KIAA1328: variants seen among roughly 807,000 people sequenced by gnomAD.
The protein encoded by KIAA1328 is protein hinderin.
Under a neutral mutation model 68.1 loss-of-function variants are expected in KIAA1328, and 52 were observed. The ratio of observed to expected loss-of-function variants is 0.76; its 90% confidence interval spans 0.61 to 0.96. The LOEUF is 0.96. Among genes scored for constraint, KIAA1328 ranks in the 40% least tolerant of loss-of-function variants. The pLI is 0.00. For missense variants in KIAA1328, 641 were observed against 677.6 expected (o/e 0.95, Z 0.60); for synonymous variants, 232 against 239.4 (o/e 0.97, Z 0.28).
chr18:37,068,605 C>T (rs561965673), intron 7 of KIAA1328, among the ~76,000 whole-genome samples: 150 of 152,238 alleles, frequency 9.9e-4, no homozygotes, highest in African/African-American at 3.5e-3. Flanking sequence ...TGTGTGTGCA[C>T]GTTTGCCCTC....
At chr18:36,918,031 T>A (rs1199166068) in intron 5 of KIAA1328, among the ~76,000 whole-genome samples, 1 of 152,122 alleles carries the variant, frequency 6.6e-6, no homozygotes, top group South Asian at 2.1e-4. Context: ...AGTTGTTTTC[T>A]ATGGGAGGAT....
At chr18:36,857,436 G>A (rs2047422045) in intron 4 of KIAA1328, among the ~76,000 whole-genome samples, 1 of 152,108 alleles carries the variant, frequency 6.6e-6, no homozygotes, top group South Asian at 2.1e-4. Context: ...AGTCTATCAG[G>A]TCAAAATAAA....
In KIAA1328 at chr18:37,029,846, C is replaced by T. The variant is rs139844257; in HGVS notation, c.577-37044C>T. ...CACCACTGAAGCCATCAGGAATGGA[C>T]TTTTTTGTGAGAATATTTTTAATTA... On this transcript the variant is annotated intron_variant, in intron 6 of 9. Transcript: ENST00000280020. Among the ~76,000 whole-genome samples the T allele has an allele frequency of 6.8e-3, 1,031 of 152,118 alleles. 16 individuals are homozygous for T. The highest frequency in any genetic ancestry group is 0.023 in the African/African-American group (956 of 41,512).
chr18:36,996,237 G>A (rs760256924), intron 6 of KIAA1328, among the ~76,000 whole-genome samples: 14 of 152,048 alleles, frequency 9.2e-5, no homozygotes, highest in Non-Finnish European at 1.8e-4. Context: ...ACACTTATAT[G>A]CACTTATTCT....
chr18:37,172,668 C>T (rs1443307107), intron 8 of KIAA1328, among the ~76,000 whole-genome samples: 1 of 152,164 alleles, frequency 6.6e-6, no homozygotes, highest in Non-Finnish European at 1.5e-5. Flanking sequence ...TAAAACATCC[C>T]ACCTCCTTGG....
chr18:36,985,788 C>T (rs1225955347), intron 6 of KIAA1328, among the ~76,000 whole-genome samples: 2 of 151,988 alleles, frequency 1.3e-5, no homozygotes, highest in East Asian at 3.9e-4. Flanking sequence ...TCTTTGCAGC[C>T]GTGGATTAGT....
intron 5 of KIAA1328, among the ~76,000 whole-genome samples, chr18:36,916,234 G>T (rs902417098): frequency 6.6e-6 from 1 of 151,608 alleles, no homozygotes; most frequent in African/African-American, 2.4e-5. Flanking sequence ...TGCTAATATT[G>T]TTGCAAAATT....
intron 5 of KIAA1328, among the ~76,000 whole-genome samples, chr18:36,899,642 A>G (rs967794896): frequency 3.3e-5 from 5 of 152,022 alleles, no homozygotes; most frequent in African/African-American, 7.2e-5. Context: ...TTTAGCACAT[A>G]TATTTCACAT....
At chr18:37,056,313 A>T (rs1432800574) in intron 6 of KIAA1328, among the ~76,000 whole-genome samples, 2 of 152,332 alleles carry the variant, frequency 1.3e-5, no homozygotes, top group East Asian at 3.9e-4. Flanking sequence ...TTGTATTTTT[A>T]AAATTATCTT....
chr18:37,083,410 G>T (rs2057008294), intron 7 of KIAA1328, among the ~76,000 whole-genome samples: 3 of 152,138 alleles, frequency 2.0e-5, no homozygotes, highest in Admixed American at 2.0e-4. Flanking sequence ...TTACACTTCA[G>T]AGTTTGATTT....
intron 7 of KIAA1328, among the ~76,000 whole-genome samples, chr18:37,129,688 A>C (rs185723799): frequency 6.6e-6 from 1 of 152,310 alleles, no homozygotes; most frequent in East Asian, 1.9e-4. Flanking sequence ...TTCAATAGTA[A>C]ATATTTACAT....
rs1454245608 is a variant in KIAA1328, at chr18:36,883,282, A to G, written c.333-2275A>G. On this transcript the variant is annotated intron_variant, in intron 4 of 9. Transcript: ENST00000280020. ...ATGTTTTGAGCACTGGCGTGATGCT[A>G]AAAGTGGAAAATTTCACACCACACC... 3.9e-5 allele frequency among the ~76,000 whole-genome samples: 6 copies of G among 152,236 alleles called. No individual in the cohort carries two copies. The South Asian group carries it at 1.2e-3, about 31-fold the overall frequency.
chr18:36,994,940 C>CTATTTATTTATTTATT (rs10573421), intron 6 of KIAA1328, among the ~76,000 whole-genome samples: 1 of 149,428 alleles, frequency 6.7e-6, no homozygotes, highest in Non-Finnish European at 1.5e-5. Flanking sequence ...CATTCACCCA[C>CTATTTATTTATTTATT]TATTTATTTA....
intron 5 of KIAA1328, among the ~76,000 whole-genome samples, chr18:36,908,371 T>G (rs576283763): frequency 6.6e-6 from 1 of 152,212 alleles, no homozygotes; most frequent in Non-Finnish European, 1.5e-5. Flanking sequence ...GACTGGGTCT[T>G]GCTTTGTCAC....
At chr18:37,033,092 T>C (rs1194484985) in intron 6 of KIAA1328, among the ~76,000 whole-genome samples, 2 of 152,248 alleles carry the variant, frequency 1.3e-5, no homozygotes, top group Non-Finnish European at 2.9e-5. Context: ...GCGTTTATAA[T>C]GTCAAATTTT....
At chr18:36,867,596 C>T (rs530945764) in intron 4 of KIAA1328, among the ~76,000 whole-genome samples, 1 of 152,272 alleles carries the variant, frequency 6.6e-6, no homozygotes, top group East Asian at 1.9e-4. Flanking sequence ...AGCATTCTTA[C>T]AAGAGCATGG....
At chr18:36,853,626 T>A (rs1029862591) in intron 4 of KIAA1328, among the ~76,000 whole-genome samples, 1 of 152,108 alleles carries the variant, frequency 6.6e-6, no homozygotes, top group African/African-American at 2.4e-5. Flanking sequence ...TGTCATTAGT[T>A]ACATTTTTAT....
At chr18:36,952,696 A>G (rs1328740656) in intron 5 of KIAA1328, among the ~76,000 whole-genome samples, 1 of 152,192 alleles carries the variant, frequency 6.6e-6, no homozygotes, top group Non-Finnish European at 1.5e-5. Flanking sequence ...TTCAGAAAAC[A>G]TTTGTTAAAT....
At chr18:36,954,005 T>C (rs1257305706) in intron 5 of KIAA1328, among the ~76,000 whole-genome samples, 1 of 138,764 alleles carries the variant, frequency 7.2e-6, no homozygotes, top group African/African-American at 2.5e-5. Flanking sequence ...CTTTTTTTTT[T>C]TTTTTTTTGA....
Sources: gnomAD v4.1 joint callset for allele counts (sites outside exome capture counted in the v4.1 genomes callset) on GRCh38, gnomAD v4.1.1 for gene constraint, MANE v1.5 for transcripts, NCBI Gene and HGNC (gene_info 2026-07-23, HGNC 2026-07-21) for gene names.